CEP112: variants seen among roughly 807,000 people sequenced by gnomAD.
CEP112 encodes the protein centrosomal protein of 112 kDa.
In CEP112, 127 loss-of-function variants were observed where a neutral mutation model predicts 153.0. The observed-to-expected ratio is 0.83, with a 90% CI of 0.72 to 0.96. The LOEUF (loss-of-function observed/expected upper bound fraction) is 0.96. CEP112 is among the 40% of genes least tolerant of loss of function. The pLI is 0.00. For missense variants in CEP112, 1,089 were observed against 1,101.2 expected, an observed-to-expected ratio of 0.99 and a Z score of 0.16; for synonymous variants, 358 against 374.4, an observed-to-expected ratio of 0.96 and a Z score of 0.51.
At chr17:65,995,869 A>G (rs964181348) in intron 17 of CEP112, among the ~76,000 whole-genome samples, 2 of 152,118 alleles carry the variant, frequency 1.3e-5, no homozygotes, top group African/African-American at 4.8e-5. Context: ...CTGATGGTTT[A>G]CAAGGGAAAA....
chr17:65,652,906 A>G (rs1004468557), intron 24 of CEP112, among the ~76,000 whole-genome samples: 3 of 152,206 alleles, frequency 2.0e-5, no homozygotes, highest in African/African-American at 7.2e-5. Context: ...CTGAAAGTCC[A>G]AGATCAGGGT....
At chr17:65,649,661 G>T (rs560365222) in intron 24 of CEP112, among the ~76,000 whole-genome samples, 1 of 150,188 alleles carries the variant, frequency 6.7e-6, no homozygotes, top group Admixed American at 6.7e-5. Context: ...CCAGGCTTCA[G>T]TGAGCTATGT....
chr17:65,713,649 C>T (rs568592207), intron 23 of CEP112, among the ~76,000 whole-genome samples: 3 of 152,094 alleles, frequency 2.0e-5, no homozygotes, highest in African/African-American at 7.2e-5. Context: ...TGCAGTGGCA[C>T]GATCTCAGCT....
At chr17:65,680,431 T>G (rs115107222) in intron 24 of CEP112, among the ~76,000 whole-genome samples, 2,137 of 152,284 alleles carry the variant, frequency 0.014, 37 homozygotes, top group African/African-American at 0.049. Context: ...AAAGTCCCTG[T>G]GGCCTGTGAT....
At chr17:65,658,855 G>A (rs568557362) in intron 24 of CEP112, among the ~76,000 whole-genome samples, 2 of 151,646 alleles carry the variant, frequency 1.3e-5, no homozygotes, top group South Asian at 2.1e-4. Flanking sequence ...TTAGGAGAGC[G>A]GGGAGCAAGC....
chr17:65,687,232 T>C (rs1704573532), intron 24 of CEP112, among the ~76,000 whole-genome samples: 2 of 147,476 alleles, frequency 1.4e-5, no homozygotes, highest in African/African-American at 5.0e-5. Flanking sequence ...AGTGGCGTGA[T>C]CTCGGCTCAC....
At chr17:65,856,917 G>T (rs1279507651) in intron 20 of CEP112, among the ~76,000 whole-genome samples, 2 of 152,052 alleles carry the variant, frequency 1.3e-5, no homozygotes, top group Non-Finnish European at 2.9e-5. Context: ...GTCATATTTA[G>T]TGGCTCCCTA....
At position 65,637,186 on chromosome 17, in the gene CEP112, A is replaced by T. The variant is rs1312361205; in HGVS notation, c.2802T>A (p.Val934=). Residue 934 remains valine (V), a splice_region_variant and synonymous_variant, in exon 26 of 27, where the codon GTT becomes GTA. Coordinates refer to ENST00000535342, the MANE Select transcript of CEP112 (RefSeq NM_001199165.4). ...TGGAAGCTCTCTTTTGCAGAAAATT[A>T]ACCTAGAAAAGACACCTTGTGTGAG... ...EDTISSLKSQ[V]NFLQKRASIL... is the part of the protein sequence containing the mutation. The T allele has an allele frequency of 6.2e-7, 1 of 1,613,100 alleles. No homozygotes were observed. The highest frequency in any genetic ancestry group is 1.3e-5 in the African/African-American group (1 of 74,918).
rs560792184 is a variant in CEP112 at position 66,096,765 on chromosome 17, T to C, written c.643-133A>G. 4.6e-6 allele frequency: 3 copies of C among 649,784 alleles called. No individual in the cohort carries two copies. The East Asian group carries it at 8.4e-5, about 18-fold the overall frequency. 40.3% of individuals were successfully genotyped at this position (649,784 alleles called of 1,614,324 possible). The stretch of plus-strand genomic sequence containing the variant: ...CTTAATATTTAATTCATTTTTAGAA[T>C]GGGTATTGTATGATATATTTTTAGC... On this transcript the variant is annotated intron_variant, in intron 6 of 26. Coordinates refer to ENST00000535342, the MANE Select transcript of CEP112 (RefSeq NM_001199165.4).
chr17:65,663,005 A>G (rs879690270), intron 24 of CEP112, among the ~76,000 whole-genome samples: 10 of 152,122 alleles, frequency 6.6e-5, no homozygotes, highest in African/African-American at 1.2e-4. Flanking sequence ...CCCTCTCTTT[A>G]TCTTGAACAC....
intron 17 of CEP112, among the ~76,000 whole-genome samples, chr17:65,969,238 C>T (rs376865331): frequency 6.6e-6 from 1 of 152,120 alleles, no homozygotes; most frequent in Admixed American, 6.5e-5. Flanking sequence ...TGCAGTACCA[C>T]GCCTGACTAG....
chr17:66,079,268 C>T (rs1176488488), intron 8 of CEP112, among the ~76,000 whole-genome samples: 1 of 152,026 alleles, frequency 6.6e-6, no homozygotes, highest in African/African-American at 2.4e-5. Context: ...GGTAAAACCC[C>T]GTTTCTACTC....
chr17:65,706,578 T>C (rs547501193), intron 23 of CEP112, among the ~76,000 whole-genome samples: 132 of 152,334 alleles, frequency 8.7e-4, no homozygotes, highest in African/African-American at 2.8e-3. Flanking sequence ...ACTGGACGTA[T>C]TATCAGTTTT....
intron 18 of CEP112, among the ~76,000 whole-genome samples, chr17:65,953,212 G>C (rs2061893830): frequency 6.6e-6 from 1 of 152,142 alleles, no homozygotes; most frequent in Non-Finnish European, 1.5e-5. Context: ...TTAAGTTTTA[G>C]AAATATACTG....
chr17:65,775,479 A>G (rs1299434646), intron 21 of CEP112, among the ~76,000 whole-genome samples: 2 of 149,840 alleles, frequency 1.3e-5, no homozygotes, highest in African/African-American at 2.4e-5. Flanking sequence ...TTATTTCAAA[A>G]CCTAATTTTT....
intron 2 of CEP112, among the ~76,000 whole-genome samples, chr17:66,181,447 G>A (rs541136825): frequency 2.8e-4 from 43 of 152,064 alleles, no homozygotes; most frequent in African/African-American, 9.6e-4. Context: ...CCGAGTTCAC[G>A]CCATTCTCCT....
chr17:66,075,728 G>A (rs913893730), intron 8 of CEP112, among the ~76,000 whole-genome samples: 2 of 152,126 alleles, frequency 1.3e-5, no homozygotes, highest in South Asian at 2.1e-4. Flanking sequence ...GCTCCAACTC[G>A]GACAGACAGA....
chr17:65,944,591 T>A (rs1220359626), intron 18 of CEP112, among the ~76,000 whole-genome samples: 1 of 152,136 alleles, frequency 6.6e-6, no homozygotes, highest in Non-Finnish European at 1.5e-5. Flanking sequence ...TTTTTTTTGT[T>A]TTTGTGTTTT....
intron 9 of CEP112, among the ~76,000 whole-genome samples, chr17:66,068,915 T>C (rs1430609281): frequency 6.6e-6 from 1 of 151,928 alleles, no homozygotes; most frequent in Non-Finnish European, 1.5e-5. Context: ...ATCTAAACAA[T>C]TTAAACTAAA....
Sources: allele counts gnomAD v4.1 joint callset (sites outside exome capture counted in the v4.1 genomes callset), GRCh38; gene constraint gnomAD v4.1.1; transcripts MANE v1.5; gene names NCBI Gene and HGNC (gene_info 2026-07-23, HGNC 2026-07-21).